NRXN3: variants seen among roughly 807,000 people sequenced by gnomAD.
NRXN3 encodes the protein neurexin III.
NRXN3 carries 32 observed loss-of-function variants against 137.6 expected under a neutral mutation model. That is an observed-to-expected ratio of 0.23 (90% confidence interval 0.18 to 0.31). The LOEUF (loss-of-function observed/expected upper bound fraction) is 0.31, where lower values mean the gene tolerates loss of function less well. Ranked by LOEUF, NRXN3 falls within the 10% of genes least tolerant of loss-of-function variation. NRXN3 has a pLI of 1.00. For synonymous variants in NRXN3, 798 were observed against 784.5 expected (o/e 1.02, Z -0.29); for missense variants, 1,574 against 2,062.5 (o/e 0.76, Z 4.59).
intron 4 of NRXN3, among the ~76,000 whole-genome samples, chr14:78,503,987 A>G (rs1276294454): frequency 6.6e-6 from 1 of 152,212 alleles, no homozygotes; most frequent in East Asian, 1.9e-4. Context: ...CTAGTCACAT[A>G]AGTATGGCAA....
intron 20 of NRXN3, among the ~76,000 whole-genome samples, chr14:79,809,734 T>G (rs1303155839): frequency 6.6e-6 from 1 of 152,230 alleles, no homozygotes; most frequent in East Asian, 1.9e-4. Context: ...ATACTTTAGA[T>G]TCGTTCTTTG....
intron 4 of NRXN3, among the ~76,000 whole-genome samples, chr14:78,336,035 C>T (rs2081424447): frequency 1.3e-5 from 2 of 152,192 alleles, no homozygotes; most frequent in Non-Finnish European, 2.9e-5. Context: ...TCCAGAGCTC[C>T]TCAGAATCAC....
chr14:79,793,154 G>A (rs1029972237), intron 19 of NRXN3, among the ~76,000 whole-genome samples: 4 of 152,112 alleles, frequency 2.6e-5, no homozygotes, highest in African/African-American at 9.7e-5. Flanking sequence ...ACAGTCGGCC[G>A]GGCGCGGTGG....
At chr14:78,614,340 G>C (rs2097327495) in intron 4 of NRXN3, among the ~76,000 whole-genome samples, 1 of 151,920 alleles carries the variant, frequency 6.6e-6, no homozygotes, top group Non-Finnish European at 1.5e-5. Context: ...AAACAAAATT[G>C]GCTGTTTACT....
chr14:79,558,085 A>G (rs1409900439), intron 16 of NRXN3, among the ~76,000 whole-genome samples: 1 of 152,186 alleles, frequency 6.6e-6, no homozygotes, highest in Admixed American at 6.5e-5. Flanking sequence ...ATGAGATTGC[A>G]GCAATTCCAT....
intron 8 of NRXN3, among the ~76,000 whole-genome samples, chr14:78,766,904 A>G (rs971449900): frequency 6.6e-6 from 1 of 152,160 alleles, no homozygotes; most frequent in Non-Finnish European, 1.5e-5. Context: ...TTTACTAGGG[A>G]ACATTTCTCT....
chr14:78,826,704 C>T (rs995233565), intron 10 of NRXN3, among the ~76,000 whole-genome samples: 9 of 152,134 alleles, frequency 5.9e-5, no homozygotes, highest in East Asian at 1.9e-4. Context: ...CATATAATCA[C>T]GAAAACATAC....
rs961175052 is a variant in NRXN3 at position 79,445,077 on chromosome 14, C to T, written c.3263-22144C>T. On this transcript the variant is annotated intron_variant, in intron 15 of 20. Transcript: ENST00000335750. ...ATTCACTCAGCTGGCAGTGGTGGCT[C>T]ATGCCTGTAATCCCAGCAATTTTAG... 3.3e-4 allele frequency among the ~76,000 whole-genome samples: 50 copies of T among 152,252 alleles called. 1 individual carries two copies. Among genetic ancestry groups the T allele is most frequent in the Admixed American group, 2.0e-4 (3 of 15,296 alleles).
chr14:78,303,286 C>G (rs1206868403), intron 4 of NRXN3, among the ~76,000 whole-genome samples: 1 of 152,076 alleles, frequency 6.6e-6, no homozygotes, highest in Non-Finnish European at 1.5e-5. Flanking sequence ...GAGTTGGGCT[C>G]TTCCTCCATG....
intron 15 of NRXN3, among the ~76,000 whole-genome samples, chr14:79,374,562 T>G (rs2094205379): frequency 6.6e-6 from 1 of 151,970 alleles, no homozygotes; most frequent in Non-Finnish European, 1.5e-5. Flanking sequence ...CCAATCTGAC[T>G]CTGGTATACC....
intron 16 of NRXN3, among the ~76,000 whole-genome samples, chr14:79,629,036 T>C (rs1355596674): frequency 2.6e-5 from 4 of 152,222 alleles, no homozygotes; most frequent in Non-Finnish European, 4.4e-5. Flanking sequence ...AGTGGTTCTC[T>C]AGTTCATCAA....
At chr14:79,159,565 C>A (rs888858224) in intron 15 of NRXN3, among the ~76,000 whole-genome samples, 3 of 151,750 alleles carry the variant, frequency 2.0e-5, no homozygotes, top group Non-Finnish European at 4.4e-5. Context: ...GGATGGTCTG[C>A]TGCTGTAGGT....
chr14:79,688,609 G>A (rs1054392509), intron 17 of NRXN3, among the ~76,000 whole-genome samples: 4 of 152,092 alleles, frequency 2.6e-5, no homozygotes, highest in Non-Finnish European at 5.9e-5. Flanking sequence ...TTTGCTTTCC[G>A]TTTCTTTCCC....
At chr14:78,533,085 T>C (rs1297137757) in intron 4 of NRXN3, among the ~76,000 whole-genome samples, 3 of 148,954 alleles carry the variant, frequency 2.0e-5, no homozygotes, top group Admixed American at 2.0e-4. Context: ...TATCTCTCTC[T>C]CTCTCCCTCC....
At chr14:79,416,793 T>C (rs2095503146) in intron 15 of NRXN3, among the ~76,000 whole-genome samples, 1 of 152,158 alleles carries the variant, frequency 6.6e-6, no homozygotes, top group Non-Finnish European at 1.5e-5. Context: ...TTCTTGTCAG[T>C]GTGATTGCAA....
At chr14:78,209,414 A>G (rs141042037) in intron 1 of NRXN3, among the ~76,000 whole-genome samples, 106 of 152,332 alleles carry the variant, frequency 7.0e-4, no homozygotes, top group African/African-American at 2.1e-3. Context: ...CTCATGTGCT[A>G]TATTAGTCTG....
chr14:79,642,277 T>C (rs79342844), intron 16 of NRXN3, among the ~76,000 whole-genome samples: 3,581 of 135,698 alleles, frequency 0.026, 692 homozygotes, highest in East Asian at 0.23. Flanking sequence ...TTAGCGATCC[T>C]ATTGAACCCC....
chr14:79,706,419 C>CTTTTTTTTT (rs919138966), intron 19 of NRXN3, among the ~76,000 whole-genome samples: 20 of 115,954 alleles, frequency 1.7e-4, no homozygotes, highest in Non-Finnish European at 2.3e-4. Context: ...GGCTTTTTTA[C>CTTTTTTTTT]TTTTTTTTTT....
chr14:78,882,098 A>G (rs2099130725), intron 10 of NRXN3, among the ~76,000 whole-genome samples: 1 of 151,860 alleles, frequency 6.6e-6, no homozygotes, highest in South Asian at 2.1e-4. Context: ...GTGATTGTAT[A>G]GAAGACAAGA....
Sources: gnomAD v4.1 joint callset for allele counts (sites outside exome capture counted in the v4.1 genomes callset) on GRCh38, gnomAD v4.1.1 for gene constraint, MANE v1.5 for transcripts, NCBI Gene and HGNC (gene_info 2026-07-23, HGNC 2026-07-21) for gene names.